Variants in SNX29 observed in about 807,000 individuals in gnomAD.
SNX29 encodes the protein sorting nexin-29.
A neutral mutation model predicts 102.1 loss-of-function variants in SNX29; 78 were observed. The ratio of observed to expected loss-of-function variants is 0.76; its 90% confidence interval spans 0.64 to 0.92. The LOEUF is 0.92. Among genes scored for constraint, SNX29 ranks in the 40% least tolerant of loss-of-function variants. The pLI, the probability that SNX29 is intolerant of heterozygous loss-of-function variation, is 0.00. For missense variants in SNX29, 1,280 were observed against 1,061.7 expected (o/e 1.21, Z -2.86); for synonymous variants, 580 against 414.5 (o/e 1.40, Z -4.85).
At chr16:12,563,964 G>A (rs1401344479) in intron 20 of SNX29, among the ~76,000 whole-genome samples, 1 of 151,264 alleles carries the variant, frequency 6.6e-6, no homozygotes, top group Non-Finnish European at 1.5e-5. Flanking sequence ...ACGAGGAAGG[G>A]CTTTTCAGAT....
In SNX29 at chr16:12,572,361, TC is replaced by T. The variant is rs2079205259; in HGVS notation, c.*3733del. 9.4e-7 allele frequency: 1 copy of T among 1,062,884 alleles called. No homozygotes were observed. The highest frequency in any genetic ancestry group is 4.6e-5 in the South Asian group (1 of 21,972). The allele number at this position is 1,062,884 out of a possible 1,614,324, so 65.8% of individuals were successfully genotyped here. A position where few individuals can be genotyped will look rare whatever the true frequency, so the allele number is the denominator to read the frequency against. ...CCTGCCTGGTTGATGGACAGCAGGC[TC>T]TGCCTTCTGGAGGCGGCTTATATCC... On this transcript the variant is annotated 3_prime_UTR_variant, in exon 21 of 21. Transcript: ENST00000566228.
At position 12,520,785 on chromosome 16, in the gene SNX29, T is replaced by C. The variant is rs556131177; in HGVS notation, c.2179-3917T>C. 2.2e-3 allele frequency among the ~76,000 whole-genome samples: 334 copies of C among 152,172 alleles called. 1 individual carries two copies. Among genetic ancestry groups the C allele is most frequent in the African/African-American group, 7.7e-3 (319 of 41,512 alleles). ...ACATACAGAGTGATAATAATGGACT[T>C]TGGGGACTCAGGCGTGGGGGAGGTT... On this transcript the variant is annotated intron_variant, in intron 19 of 20. Transcript: ENST00000566228.
chr16:12,211,082 C>T (rs1157179433), intron 14 of SNX29, among the ~76,000 whole-genome samples: 1 of 152,020 alleles, frequency 6.6e-6, no homozygotes, highest in African/African-American at 2.4e-5. Context: ...CTCCAAAACC[C>T]CTGGGTGGTT....
chr16:12,550,285 C>G (rs118042610), intron 20 of SNX29, among the ~76,000 whole-genome samples: 1 of 152,070 alleles, frequency 6.6e-6, no homozygotes, highest in South Asian at 2.1e-4. Flanking sequence ...ACCTGTAATC[C>G]CAGTACTGTG....
At chr16:12,109,293 C>CT (rs1339701628) in intron 11 of SNX29, among the ~76,000 whole-genome samples, 5 of 151,940 alleles carry the variant, frequency 3.3e-5, no homozygotes, top group African/African-American at 1.2e-4. Context: ...GGGGAGGGGA[C>CT]TGAGTGTGTG....
chr16:12,571,660 G>A lies in SNX29; in HGVS notation c.*3031G>A, dbSNP rs966888279. The stretch of plus-strand genomic sequence containing the variant: ...CCAGATGAAAGACGACTCAGGAACG[G>A]TAGGGCTGGGCAGAGGTGTCTCTCC... On this transcript the variant is annotated 3_prime_UTR_variant, in exon 21 of 21. Coordinates refer to ENST00000566228, the MANE Select transcript of SNX29 (RefSeq NM_032167.5). 3 of 1,059,268 alleles carry A rather than the reference G, an allele frequency of 2.8e-6. No individual in the cohort carries two copies. The highest frequency in any genetic ancestry group is 1.1e-4 in the Admixed American group (2 of 18,432). The allele number at this position is 1,059,268 out of a possible 1,614,324, so 65.6% of individuals were successfully genotyped here.
intron 13 of SNX29, among the ~76,000 whole-genome samples, chr16:12,191,173 G>A (rs555569304): frequency 1.1e-4 from 16 of 152,238 alleles, no homozygotes; most frequent in Middle Eastern, 3.4e-3. Context: ...AATAGGGTTC[G>A]TGCTCCTATG....
At chr16:12,032,274 C>T (rs1193393970) in intron 4 of SNX29, among the ~76,000 whole-genome samples, 7 of 147,788 alleles carry the variant, frequency 4.7e-5, no homozygotes, top group Non-Finnish European at 8.9e-5. Flanking sequence ...GTAGCGCTAT[C>T]TCAGCTCACC....
chr16:12,550,083 T>C (rs1329555080), intron 20 of SNX29, among the ~76,000 whole-genome samples: 1 of 152,242 alleles, frequency 6.6e-6, no homozygotes, highest in Non-Finnish European at 1.5e-5. Context: ...ATAGGAAGTT[T>C]GCCAACCTAT....
intron 16 of SNX29, among the ~76,000 whole-genome samples, chr16:12,383,414 G>T (rs550230444): frequency 6.6e-6 from 1 of 152,254 alleles, no homozygotes; most frequent in African/African-American, 2.4e-5. Flanking sequence ...TGTTAATAGT[G>T]TAGCTGATGA....
intron 14 of SNX29, among the ~76,000 whole-genome samples, chr16:12,233,989 G>T (rs2077847703): frequency 6.6e-6 from 1 of 152,084 alleles, no homozygotes; most frequent in African/African-American, 2.4e-5. Flanking sequence ...GCCATATTTT[G>T]TTTACCCTTT....
chr16:12,185,700 T>C (rs1003575627), intron 13 of SNX29, among the ~76,000 whole-genome samples: 1 of 152,246 alleles, frequency 6.6e-6, no homozygotes, highest in Non-Finnish European at 1.5e-5. Context: ...TTGAGACGAC[T>C]GTGACTTGTG....
At chr16:12,489,716 C>CA (rs1231213578) in intron 19 of SNX29, among the ~76,000 whole-genome samples, 1 of 152,218 alleles carries the variant, frequency 6.6e-6, no homozygotes, top group Non-Finnish European at 1.5e-5. Context: ...TGATTGGTGA[C>CA]AACTCCCACA....
chr16:12,216,772 C>T (rs895830112), intron 14 of SNX29, among the ~76,000 whole-genome samples: 6 of 122,310 alleles, frequency 4.9e-5, no homozygotes, highest in Non-Finnish European at 9.5e-5. Context: ...TCTTCAAATT[C>T]ACTCGCTTTC....
At chr16:12,044,401 G>C (rs950436783) in intron 5 of SNX29, among the ~76,000 whole-genome samples, 3 of 152,092 alleles carry the variant, frequency 2.0e-5, no homozygotes, top group African/African-American at 7.2e-5. Context: ...TGTTGCCTGT[G>C]GCTCCTTGTT....
Position 12,050,375 on chromosome 16 carries a change from A to G in SNX29, c.749-1472A>G, listed in dbSNP as rs753309449. Reference sequence around the variant, plus strand: ...CTAAGGCAAGCTTGATTTCTTTTTCAGTTAACATTTGCTATATAACAAGTG... The same window carrying G: ...CTAAGGCAAGCTTGATTTCTTTTTCGGTTAACATTTGCTATATAACAAGTG... On this transcript the variant is annotated intron_variant, in intron 7 of 20. Coordinates refer to ENST00000566228, the MANE Select transcript of SNX29 (RefSeq NM_032167.5). Among the ~76,000 whole-genome samples the G allele has an allele frequency of 9.2e-5, 14 of 152,232 alleles. 1 individual carries two copies. Among genetic ancestry groups the G allele is most frequent in the Admixed American group, 7.2e-4 (11 of 15,284 alleles).
intron 20 of SNX29, among the ~76,000 whole-genome samples, chr16:12,548,312 C>T (rs1264265289): frequency 6.6e-6 from 1 of 152,182 alleles, no homozygotes; most frequent in Admixed American, 6.5e-5. Context: ...TGGAGCCCTA[C>T]TCTCCTGGCT....
intron 16 of SNX29, among the ~76,000 whole-genome samples, chr16:12,362,677 C>T (rs1465846037): frequency 2.6e-5 from 4 of 151,180 alleles, no homozygotes; most frequent in African/African-American, 7.3e-5. Context: ...GAACACTGCC[C>T]AGTGCCAGGG....
chr16:12,541,374 C>T (rs893042725), intron 20 of SNX29, among the ~76,000 whole-genome samples: 3 of 152,132 alleles, frequency 2.0e-5, no homozygotes, highest in African/African-American at 4.8e-5. Context: ...CCTATGAGGG[C>T]AGTTACCATG....
Sources: allele counts gnomAD v4.1 joint callset (sites outside exome capture counted in the v4.1 genomes callset), GRCh38; gene constraint gnomAD v4.1.1; transcripts MANE v1.5; gene names NCBI Gene and HGNC (gene_info 2026-07-23, HGNC 2026-07-21).